PDZRN4: variants seen among roughly 807,000 people sequenced by gnomAD.
PDZRN4 encodes PDZ domain containing ring finger 4, also known as PDZ domain-containing RING finger protein 4.
In PDZRN4, 70 loss-of-function variants were observed where a neutral mutation model predicts 99.0. The ratio of observed to expected loss-of-function variants is 0.71; its 90% CI spans 0.58 to 0.86. PDZRN4 has a LOEUF of 0.86. Ranked by LOEUF, PDZRN4 falls within the 40% of genes least tolerant of loss-of-function variation. The pLI is 0.00. For synonymous variants in PDZRN4, 551 were observed against 501.6 expected (o/e 1.10, Z -1.32); for missense variants, 1,474 against 1,331.2 (o/e 1.11, Z -1.67).
intron 3 of PDZRN4, among the ~76,000 whole-genome samples, chr12:41,322,870 C>CT (rs758059002): frequency 4.0e-5 from 6 of 151,824 alleles, no homozygotes; most frequent in Non-Finnish European, 8.8e-5. Flanking sequence ...GATTTCTTTC[C>CT]TTTTTTCTTT....
chr12:41,227,398 C>T (rs1212534847), intron 3 of PDZRN4, among the ~76,000 whole-genome samples: 1 of 152,106 alleles, frequency 6.6e-6, no homozygotes, highest in Non-Finnish European at 1.5e-5. Flanking sequence ...GGTGCAGTGG[C>T]TCACACCTGT....
chr12:41,323,080 G>T (rs557792833), intron 3 of PDZRN4, among the ~76,000 whole-genome samples: 2 of 152,176 alleles, frequency 1.3e-5, no homozygotes, highest in Non-Finnish European at 2.9e-5. Flanking sequence ...TAGATTAGTG[G>T]TTGCATTACT....
At chr12:41,276,206 G>T (rs922038151) in intron 3 of PDZRN4, among the ~76,000 whole-genome samples, 1 of 152,140 alleles carries the variant, frequency 6.6e-6, no homozygotes, top group Non-Finnish European at 1.5e-5. Context: ...TATGTAAACA[G>T]ATATACAGCA....
chr12:41,196,187 G>T (rs1950771607), intron 3 of PDZRN4, among the ~76,000 whole-genome samples: 1 of 151,946 alleles, frequency 6.6e-6, no homozygotes. Flanking sequence ...ACTAATATAT[G>T]TCAGATTAAC....
intron 3 of PDZRN4, among the ~76,000 whole-genome samples, chr12:41,430,389 A>G (rs1194759244): frequency 6.6e-6 from 1 of 152,010 alleles, no homozygotes; most frequent in Non-Finnish European, 1.5e-5. Context: ...GAATTACTTG[A>G]ACCCAGGAGG....
chr12:41,539,138 G>A (rs373358797), intron 5 of PDZRN4, among the ~76,000 whole-genome samples: 1 of 151,660 alleles, frequency 6.6e-6, no homozygotes, highest in Non-Finnish European at 1.5e-5. Flanking sequence ...TATATATTTT[G>A]TGGGAGCTCC....
chr12:41,344,356 G>A (rs1295546120), intron 3 of PDZRN4, among the ~76,000 whole-genome samples: 1 of 151,858 alleles, frequency 6.6e-6, no homozygotes, highest in Non-Finnish European at 1.5e-5. Flanking sequence ...ACAACATATC[G>A]AATGGCATAG....
intron 3 of PDZRN4, among the ~76,000 whole-genome samples, chr12:41,201,913 A>T (rs1209647487): frequency 6.6e-6 from 1 of 152,120 alleles, no homozygotes. Flanking sequence ...AAATGCTTGA[A>T]TTGGATCTGA....
chr12:41,379,481 T>A (rs1223634451), intron 3 of PDZRN4, among the ~76,000 whole-genome samples: 1 of 151,754 alleles, frequency 6.6e-6, no homozygotes, highest in East Asian at 1.9e-4. Context: ...ATCCTTCTGT[T>A]TTTCTTGTGG....
rs540800152 is a variant in PDZRN4 at position 41,542,360 on chromosome 12, A to G, written c.1204-10296A>G. On this transcript the variant is annotated intron_variant, in intron 5 of 9. Transcript: ENST00000402685. ...GCTCTTTCTTCTTTTTAAATTTGCT[A>G]TAGACACTAAGGGTTGAAAGAATAG... 4.6e-5 allele frequency among the ~76,000 whole-genome samples: 7 copies of G among 152,322 alleles called. 1 individual carries two copies. The highest frequency in any genetic ancestry group is 1.2e-4 in the African/African-American group (5 of 41,572).
intron 6 of PDZRN4, among the ~76,000 whole-genome samples, chr12:41,553,666 T>G (rs902695432): frequency 1.3e-5 from 2 of 152,050 alleles, no homozygotes; most frequent in South Asian, 4.2e-4. Flanking sequence ...TGCACTCCAG[T>G]GCAGTGACAC....
At chr12:41,486,495 T>A (rs1204312880) in intron 3 of PDZRN4, among the ~76,000 whole-genome samples, 1 of 152,144 alleles carries the variant, frequency 6.6e-6, no homozygotes. Context: ...ATATAATGCA[T>A]CATGCTGGGC....
chr12:41,355,715 T>C (rs1369050471), intron 3 of PDZRN4, among the ~76,000 whole-genome samples: 1 of 152,018 alleles, frequency 6.6e-6, no homozygotes, highest in Non-Finnish European at 1.5e-5. Flanking sequence ...AAAATGGAAA[T>C]AGAAGAAGGT....
chr12:41,331,754 G>T (rs73124826), intron 3 of PDZRN4, among the ~76,000 whole-genome samples: 2 of 152,008 alleles, frequency 1.3e-5, no homozygotes, highest in African/African-American at 4.8e-5. Flanking sequence ...ATGGTGAAAG[G>T]CACCTCTTTA....
chr12:41,377,404 T>TA (rs1200547627), intron 3 of PDZRN4, among the ~76,000 whole-genome samples: 1 of 152,170 alleles, frequency 6.6e-6, no homozygotes. Context: ...ACGTCTTTCT[T>TA]AAAAATTGTA....
At chr12:41,558,844 G>A (rs1565615160) in intron 7 of PDZRN4, among the ~76,000 whole-genome samples, 1 of 152,116 alleles carries the variant, frequency 6.6e-6, no homozygotes, top group African/African-American at 2.4e-5. Flanking sequence ...ATTATATTAA[G>A]TAAAACTCTG....
At chr12:41,501,322 A>C (rs1456797714) in intron 3 of PDZRN4, among the ~76,000 whole-genome samples, 1 of 152,142 alleles carries the variant, frequency 6.6e-6, no homozygotes, top group Admixed American at 6.6e-5. Flanking sequence ...AAGAAAATCA[A>C]AAAAGGCTGT....
intron 3 of PDZRN4, among the ~76,000 whole-genome samples, chr12:41,478,464 G>A (rs1937625543): frequency 6.6e-6 from 1 of 151,938 alleles, no homozygotes; most frequent in African/African-American, 2.4e-5. Context: ...AGTTATGCTG[G>A]TATTTGAGAA....
chr12:41,419,163 G>A (rs530017247), intron 3 of PDZRN4, among the ~76,000 whole-genome samples: 68 of 152,240 alleles, frequency 4.5e-4, no homozygotes, highest in African/African-American at 1.5e-3. Context: ...TTGAATACCT[G>A]TTTCATATCT....
Sources: allele counts gnomAD v4.1 joint callset (sites outside exome capture counted in the v4.1 genomes callset), GRCh38; gene constraint gnomAD v4.1.1; transcripts MANE v1.5; gene names NCBI Gene and HGNC (gene_info 2026-07-23, HGNC 2026-07-21).